ACTR3C: variants seen among roughly 807,000 people sequenced by gnomAD.
ACTR3C encodes actin-related protein 3C.
In ACTR3C, 18 loss-of-function variants were observed where a neutral mutation model predicts 26.3. The observed-to-expected ratio is 0.68, with a 90% CI of 0.47 to 1.01. The LOEUF (loss-of-function observed/expected upper bound fraction) is 1.01. Among genes scored for constraint, ACTR3C ranks in the 50% least tolerant of loss-of-function variants. The pLI, the probability that ACTR3C is intolerant of heterozygous loss-of-function variation, is 0.00. For missense variants in ACTR3C, 184 were observed against 250.7 expected (o/e 0.73, Z 1.80); for synonymous variants, 55 against 94.5 (o/e 0.58, Z 2.42).
intron 1 of ACTR3C, among the ~76,000 whole-genome samples, chr7:150,305,572 T>A (rs1795750296): frequency 6.6e-6 from 1 of 152,238 alleles, no homozygotes; most frequent in African/African-American, 2.4e-5. Flanking sequence ...CGTCTGCATG[T>A]GCTGCTTGTT....
At chr7:150,075,841 C>T in the ACTR3C span, among the ~76,000 whole-genome samples, 10 of 152,238 alleles carry the variant, frequency 6.6e-5, no homozygotes, top group East Asian at 1.4e-3. Flanking sequence ...GACTTTGGTA[C>T]CTGGCGAGAA....
chr7:149,979,103 C>A, the ACTR3C span, among the ~76,000 whole-genome samples: 1 of 152,252 alleles, frequency 6.6e-6, no homozygotes, highest in Non-Finnish European at 1.5e-5. Context: ...CCCGTCCACA[C>A]CACTGGGCAC....
At chr7:149,918,566 T>C in the ACTR3C span, among the ~76,000 whole-genome samples, 16 of 152,170 alleles carry the variant, frequency 1.1e-4, no homozygotes, top group Non-Finnish European at 1.8e-4. Flanking sequence ...GGCGCATGCC[T>C]GTAATCCCAG....
chr7:150,110,431 A>AGGTGGGGCTGCCTGAG, the ACTR3C span, among the ~76,000 whole-genome samples: 79 of 103,738 alleles, frequency 7.6e-4, no homozygotes, highest in African/African-American at 3.3e-3. Context: ...GGCTGGAAGC[A>AGGTGGGGCTGCCTGAG]GGTGGGGCTG....
At chr7:149,975,598 T>C in the ACTR3C span, among the ~76,000 whole-genome samples, 1 of 152,008 alleles carries the variant, frequency 6.6e-6, no homozygotes, top group African/African-American at 2.4e-5. Context: ...CAGTGGAGAA[T>C]ATTACCGGAT....
At chr7:149,940,101 A>G in the ACTR3C span, among the ~76,000 whole-genome samples, 1 of 151,596 alleles carries the variant, frequency 6.6e-6, no homozygotes, top group Non-Finnish European at 1.5e-5. Flanking sequence ...ATTTTAATAT[A>G]GACACAATTC....
At chr7:150,227,305 A>G in the ACTR3C span, among the ~76,000 whole-genome samples, 29,569 of 146,850 alleles carry the variant, frequency 0.2, 4,806 homozygotes, top group African/African-American at 0.45. Context: ...TCTCTCCTTC[A>G]TTTTTAGCCC....
chr7:150,040,081 A>G, the ACTR3C span, among the ~76,000 whole-genome samples: 9 of 133,612 alleles, frequency 6.7e-5, no homozygotes, highest in Non-Finnish European at 1.1e-4. Flanking sequence ...CTGCGATGGG[A>G]GTCCCAAGAG....
chr7:150,001,993 G>A, the ACTR3C span: 1 of 152,220 alleles, frequency 6.6e-6, no homozygotes, highest in African/African-American at 2.4e-5. Flanking sequence ...CAGCAGCGAG[G>A]CCTGCCAACA....
intron 6 of ACTR3C, among the ~76,000 whole-genome samples, chr7:150,249,365 AAAG>A (rs1832671119): frequency 6.6e-6 from 1 of 152,254 alleles, no homozygotes; most frequent in African/African-American, 2.4e-5. Flanking sequence ...TTTCTAGACA[AAAG>A]AAAACAGGAG....
chr7:149,994,979 C>A, the ACTR3C span, among the ~76,000 whole-genome samples: 1 of 151,466 alleles, frequency 6.6e-6, no homozygotes, highest in Non-Finnish European at 1.5e-5. Context: ...CTCAGCCTCC[C>A]GAGTAGCTGG....
chr7:149,987,292 G>A, the ACTR3C span, among the ~76,000 whole-genome samples: 7 of 152,202 alleles, frequency 4.6e-5, no homozygotes, highest in African/African-American at 9.6e-5. Flanking sequence ...GCGGCCAGGC[G>A]CTGTGGCTCA....
chr7:150,299,266 G>A (rs1265984840), intron 1 of ACTR3C, among the ~76,000 whole-genome samples: 2 of 151,082 alleles, frequency 1.3e-5, no homozygotes, highest in Middle Eastern at 3.4e-3. Flanking sequence ...CAAGGCGTGA[G>A]CCACCATGCC....
chr7:150,040,959 C>T, the ACTR3C span, among the ~76,000 whole-genome samples: 2 of 150,276 alleles, frequency 1.3e-5, no homozygotes, highest in African/African-American at 5.0e-5. Context: ...TGCCAAAGCC[C>T]TCAAATAGGG....
At chr7:150,042,111 CCCTCT>C in the ACTR3C span, among the ~76,000 whole-genome samples, 1 of 48,962 alleles carries the variant, frequency 2.0e-5, no homozygotes, top group African/African-American at 7.0e-5. Context: ...GGTGCCTCCC[CCCTCT>C]GCGATGGGGG....
At chr7:149,992,552 G>A in the ACTR3C span, among the ~76,000 whole-genome samples, 1 of 152,132 alleles carries the variant, frequency 6.6e-6, no homozygotes, top group Non-Finnish European at 1.5e-5. Flanking sequence ...CTTCCCGTCC[G>A]GGGCAGCTGC....
the ACTR3C span, among the ~76,000 whole-genome samples, chr7:150,048,045 T>A: frequency 6.6e-6 from 1 of 152,110 alleles, no homozygotes; most frequent in Admixed American, 6.5e-5. Flanking sequence ...CGACTCTACC[T>A]GGCTCAGCCT....
the ACTR3C span, among the ~76,000 whole-genome samples, chr7:150,207,967 C>G: frequency 6.6e-6 from 1 of 152,070 alleles, no homozygotes; most frequent in African/African-American, 2.4e-5. Flanking sequence ...ATTTTCACTT[C>G]TAGTCAAAAT....
the ACTR3C span, among the ~76,000 whole-genome samples, chr7:149,973,009 G>A: frequency 6.6e-6 from 1 of 152,066 alleles, no homozygotes; most frequent in East Asian, 1.9e-4. Context: ...CAGCATGTCT[G>A]TCCCATGTAA....
Sources: allele counts gnomAD v4.1 joint callset (sites outside exome capture counted in the v4.1 genomes callset), GRCh38; gene constraint gnomAD v4.1.1; transcripts MANE v1.5; gene names NCBI Gene and HGNC (gene_info 2026-07-23, HGNC 2026-07-21).